Variants in GALNT13 observed in about 807,000 individuals in gnomAD.
GALNT13 encodes the protein polypeptide N-acetylgalactosaminyltransferase 13.
Under a neutral mutation model 64.2 loss-of-function variants are expected in GALNT13, and 28 were observed. The ratio of observed to expected loss-of-function variants is 0.44; its 90% CI spans 0.32 to 0.60. The LOEUF (loss-of-function observed/expected upper bound fraction) is 0.60. GALNT13 is among the 20% of genes least tolerant of loss of function. GALNT13 has a pLI of 0.05. For missense variants in GALNT13, 577 were observed against 669.8 expected (o/e 0.86, Z 1.53); for synonymous variants, 214 against 224.6 (o/e 0.95, Z 0.42).
chr2:154,251,880 C>A (rs1690088149), intron 7 of GALNT13, among the ~76,000 whole-genome samples: 1 of 151,964 alleles, frequency 6.6e-6, no homozygotes. Flanking sequence ...CCTTTGGGTT[C>A]CTAAACCTAC....
the GALNT13 span, among the ~76,000 whole-genome samples, chr2:153,309,362 C>A: frequency 1.3e-5 from 2 of 152,120 alleles, no homozygotes; most frequent in African/African-American, 2.4e-5. Flanking sequence ...ATAACATGTA[C>A]AAGTCCTGTC....
the GALNT13 span, among the ~76,000 whole-genome samples, chr2:153,747,435 T>G: frequency 2.7e-4 from 39 of 143,710 alleles, no homozygotes; most frequent in African/African-American, 9.5e-4. Context: ...TTTTTTTTTT[T>G]TTTTTTTTTT....
the GALNT13 span, among the ~76,000 whole-genome samples, chr2:153,770,345 G>A: frequency 6.6e-6 from 1 of 152,166 alleles, no homozygotes; most frequent in African/African-American, 2.4e-5. Flanking sequence ...CCAAGAGTCT[G>A]TTTTTAAGTT....
the GALNT13 span, among the ~76,000 whole-genome samples, chr2:153,566,363 T>TTTTTTG: frequency 7.0e-6 from 1 of 143,434 alleles, no homozygotes; most frequent in South Asian, 2.2e-4. Context: ...TTTTTTTTTT[T>TTTTTTG]TTTTTTTTTG....
chr2:154,443,985 A>T (rs1368847438), intron 12 of GALNT13, among the ~76,000 whole-genome samples: 1 of 152,118 alleles, frequency 6.6e-6, no homozygotes, highest in Non-Finnish European at 1.5e-5. Context: ...AAATAAAGCT[A>T]TAGGAAAATA....
intron 9 of GALNT13, among the ~76,000 whole-genome samples, chr2:154,395,176 T>G (rs1011231131): frequency 6.6e-6 from 1 of 152,168 alleles, no homozygotes; most frequent in Non-Finnish European, 1.5e-5. Context: ...TGCTGTCTTG[T>G]CACAGTTATT....
chr2:153,623,498 C>G, the GALNT13 span, among the ~76,000 whole-genome samples: 1 of 151,992 alleles, frequency 6.6e-6, no homozygotes, highest in Admixed American at 6.6e-5. Context: ...GTTTGCTTTG[C>G]TACAAAAGAA....
the GALNT13 span, among the ~76,000 whole-genome samples, chr2:153,399,498 T>C: frequency 1.3e-5 from 2 of 152,124 alleles, no homozygotes; most frequent in African/African-American, 2.4e-5. Flanking sequence ...GCATTGAATC[T>C]GTAAATTACC....
chr2:153,228,095 T>C, the GALNT13 span, among the ~76,000 whole-genome samples: 1 of 152,190 alleles, frequency 6.6e-6, no homozygotes, highest in Non-Finnish European at 1.5e-5. Flanking sequence ...GATGTAGTAC[T>C]TGGAGTTGTA....
chr2:154,345,760 A>G (rs1696034676), intron 9 of GALNT13, among the ~76,000 whole-genome samples: 5 of 152,020 alleles, frequency 3.3e-5, no homozygotes, highest in Non-Finnish European at 5.9e-5. Context: ...ACTCATAACT[A>G]TAGGCTCAGG....
At chr2:153,982,632 T>C (rs1694540549) in intron 3 of GALNT13, among the ~76,000 whole-genome samples, 1 of 152,034 alleles carries the variant, frequency 6.6e-6, no homozygotes, top group Admixed American at 6.6e-5. Flanking sequence ...ACAGGTAATA[T>C]AGGTTCTATT....
chr2:153,072,862 T>C, the GALNT13 span, among the ~76,000 whole-genome samples: 2 of 152,322 alleles, frequency 1.3e-5, no homozygotes, highest in East Asian at 1.9e-4. Flanking sequence ...GCTGTTTTCC[T>C]TTTTTATTCT....
chr2:153,712,439 C>A, the GALNT13 span, among the ~76,000 whole-genome samples: 6 of 152,212 alleles, frequency 3.9e-5, no homozygotes, highest in South Asian at 1.2e-3. Flanking sequence ...GAGTCAGTAT[C>A]AGGATAAGTT....
At chr2:153,154,843 G>A in the GALNT13 span, among the ~76,000 whole-genome samples, 1 of 152,148 alleles carries the variant, frequency 6.6e-6, no homozygotes, top group Non-Finnish European at 1.5e-5. Flanking sequence ...TGCCCATTCA[G>A]TATGATGTTG....
At chr2:153,834,478 G>C in the GALNT13 span, among the ~76,000 whole-genome samples, 1 of 152,120 alleles carries the variant, frequency 6.6e-6, no homozygotes, top group Non-Finnish European at 1.5e-5. Context: ...GGGGACTGTA[G>C]CTAATCAGCA....
At chr2:154,126,737 A>T (rs1682300642) in intron 3 of GALNT13, among the ~76,000 whole-genome samples, 1 of 152,174 alleles carries the variant, frequency 6.6e-6, no homozygotes, top group Non-Finnish European at 1.5e-5. Context: ...TAATTCTGTA[A>T]GATGTATATG....
At chr2:153,423,681 A>G in the GALNT13 span, among the ~76,000 whole-genome samples, 1 of 151,882 alleles carries the variant, frequency 6.6e-6, no homozygotes. Flanking sequence ...TAGCAATTAC[A>G]GAAGCAACGA....
intron 8 of GALNT13, among the ~76,000 whole-genome samples, chr2:154,291,112 G>C (rs550631706): frequency 2.0e-5 from 3 of 152,084 alleles, no homozygotes; most frequent in African/African-American, 4.8e-5. Flanking sequence ...AGGTTGCCGC[G>C]GCTGGCTTGG....
At chr2:154,425,693 G>T (rs1357498746) in intron 11 of GALNT13, among the ~76,000 whole-genome samples, 1 of 152,168 alleles carries the variant, frequency 6.6e-6, no homozygotes, top group African/African-American at 2.4e-5. Context: ...TTCAAATGAG[G>T]TTGGAATAGT....
Sources: gnomAD v4.1 joint callset for allele counts (sites outside exome capture counted in the v4.1 genomes callset) on GRCh38, gnomAD v4.1.1 for gene constraint, MANE v1.5 for transcripts, NCBI Gene and HGNC (gene_info 2026-07-23, HGNC 2026-07-21) for gene names.